Variants in SPATS2L observed in about 807,000 individuals in gnomAD.
The protein encoded by SPATS2L is SPATS2-like protein.
In SPATS2L, 30 loss-of-function variants were observed where a neutral mutation model predicts 59.6. The observed-to-expected ratio is 0.50, with a 90% CI of 0.38 to 0.68. The LOEUF (loss-of-function observed/expected upper bound fraction) is 0.68, where lower values mean the gene tolerates loss of function less well. Among genes scored for constraint, SPATS2L ranks in the 30% least tolerant of loss-of-function variants. The pLI is 0.00. For synonymous variants in SPATS2L, 252 were observed against 263.5 expected, an observed-to-expected ratio of 0.96 and a Z score of 0.42; for missense variants, 615 against 700.0, an observed-to-expected ratio of 0.88 and a Z score of 1.37.
At chr2:200,358,967 A>G (rs1344189538) in intron 2 of SPATS2L, among the ~76,000 whole-genome samples, 4 of 147,214 alleles carry the variant, frequency 2.7e-5, no homozygotes, top group African/African-American at 1.0e-4. Context: ...AGCCTGGACA[A>G]CATGACAGAG....
chr2:200,477,445 A>G (rs2087613939), intron 12 of SPATS2L, among the ~76,000 whole-genome samples, 191 bp from the exon 13 acceptor site: 1 of 149,330 alleles, frequency 6.7e-6, no homozygotes, highest in Non-Finnish European at 1.5e-5. Flanking sequence ...AAAACAGTCC[A>G]CTATTCTTTT....
chr2:200,344,507 T>C (rs1003740499), intron 2 of SPATS2L, among the ~76,000 whole-genome samples: 9 of 152,214 alleles, frequency 5.9e-5, no homozygotes, highest in African/African-American at 2.2e-4. Context: ...GTCTTTGCCA[T>C]TGTGAATAAT....
chr2:200,473,046 C>A lies in SPATS2L; in HGVS notation c.1275C>A (p.Asn425Lys). The change falls in exon 12 of 13, where the codon AAC (asparagine) becomes AAA (lysine). Residue 425 changes from asparagine to lysine, a missense_variant. Physicochemically the swap from Asn to Lys is moderately conservative, Grantham distance 94 (BLOSUM62 0). Coordinates refer to ENST00000409140, the MANE Select transcript of SPATS2L (RefSeq NM_001100423.2). ...CCTCTCACCAGACCATGCCGGCCAA[C>A]AAGCAGGTAAGCCGACACTGGTGCA... ...ADPSHQTMPA[N>K]KQNGSSNQRR... The A allele has an allele frequency of 6.2e-7, 1 of 1,608,490 alleles. No individual in the cohort carries two copies. Among genetic ancestry groups the A allele is most frequent in the Non-Finnish European group, 8.5e-7 (1 of 1,177,598 alleles).
Position 200,372,037 on chromosome 2 carries a change from AATAATTG to A in SPATS2L, c.-22-17184_-22-17178del, listed in dbSNP as rs572864662. ...CTCCCAGGCATAAAAACCCAAAGGAAATAATTGACTTCTGAGAGTGTGCCTTGTAGGT... is the reference window on the plus strand; with the variant it reads ...CTCCCAGGCATAAAAACCCAAAGGAAACTTCTGAGAGTGTGCCTTGTAGGT... On this transcript the variant is annotated intron_variant, in intron 2 of 12. Transcript: ENST00000409140. The A allele has an allele frequency of 3.4e-4, 338 of 985,406 alleles. 1 individual carries two copies. Among genetic ancestry groups the A allele is most frequent in the Non-Finnish European group, 1.2e-4 (97 of 829,932 alleles). The allele number at this position is 985,406 out of a possible 1,614,324, so 61.0% of individuals were successfully genotyped here.
chr2:200,400,504 A>G (rs1246197033), intron 3 of SPATS2L, among the ~76,000 whole-genome samples: 1 of 152,252 alleles, frequency 6.6e-6, no homozygotes, highest in African/African-American at 2.4e-5. Flanking sequence ...TGAGAGTTAT[A>G]TGTATATATT....
chr2:200,436,406 C>T (rs1349341865), intron 6 of SPATS2L, among the ~76,000 whole-genome samples: 5 of 152,128 alleles, frequency 3.3e-5, no homozygotes, highest in Non-Finnish European at 7.4e-5. Context: ...GTCAGACATA[C>T]ATGCATATAT....
intron 12 of SPATS2L, among the ~76,000 whole-genome samples, chr2:200,475,084 C>T (rs1008931615): frequency 6.6e-6 from 1 of 152,228 alleles, no homozygotes; most frequent in African/African-American, 2.4e-5. Context: ...CCAGTTTTCA[C>T]ACCCATCCGC....
At chr2:200,306,611 A>T (rs1271990557), upstream of SPATS2L, 2 of 989,998 alleles carry the variant, frequency 2.0e-6, no homozygotes, top group Non-Finnish European at 2.4e-6. Context: ...GGTGAGTGAC[A>T]CCGAGGGGAA....
chr2:200,315,760 C>T (rs892570695), intron 1 of SPATS2L, among the ~76,000 whole-genome samples: 2 of 150,616 alleles, frequency 1.3e-5, no homozygotes, highest in East Asian at 2.0e-4. Context: ...GAAGGGCATA[C>T]GGACTGTCAG....
At chr2:200,406,916 A>G (rs1479723317) in intron 3 of SPATS2L, among the ~76,000 whole-genome samples, 2 of 152,130 alleles carry the variant, frequency 1.3e-5, no homozygotes, top group Non-Finnish European at 2.9e-5. Flanking sequence ...CACCATAGAG[A>G]AGGGAAAAGT....
chr2:200,472,034 C>T (rs1363776745), intron 11 of SPATS2L, among the ~76,000 whole-genome samples: 1 of 152,162 alleles, frequency 6.6e-6, no homozygotes, highest in East Asian at 1.9e-4. Context: ...CAGAAACCAC[C>T]ACTTTCAAAA....
intron 11 of SPATS2L, among the ~76,000 whole-genome samples, chr2:200,472,392 C>T (rs1001673858): frequency 1.3e-5 from 2 of 152,216 alleles, no homozygotes; most frequent in African/African-American, 4.8e-5. Flanking sequence ...CCCAATCTTT[C>T]TGTGTCTGCA....
intron 2 of SPATS2L, among the ~76,000 whole-genome samples, chr2:200,385,709 T>C (rs2081968517): frequency 6.6e-6 from 1 of 152,126 alleles, no homozygotes; most frequent in Non-Finnish European, 1.5e-5. Context: ...TTTTTTTTTT[T>C]TTAGATGGAG....
chr2:200,389,285 T>TA lies in SPATS2L; in HGVS notation c.39+4dup. The TA allele has an allele frequency of 6.3e-7, 1 of 1,575,810 alleles. No individual in the cohort carries two copies. Among genetic ancestry groups the TA allele is most frequent in the Non-Finnish European group, 8.6e-7 (1 of 1,157,654 alleles). ...ACTCATGTGAATGTCAAGGAAAAGG[T>TA]AAGATCAAGTTATACGTTGGCTCAC... On this transcript the variant is annotated splice_region_variant and intron_variant, in intron 3 of 12. Transcript: ENST00000409140.
intron 1 of SPATS2L, chr2:200,308,998 A>T: frequency 1.4e-6 from 1 of 717,396 alleles, no homozygotes; most frequent in Non-Finnish European, 2.6e-6. Context: ...CTGCCACACC[A>T]GTAAGGATCA....
intron 2 of SPATS2L, among the ~76,000 whole-genome samples, chr2:200,368,624 G>T (rs936765122): frequency 6.6e-6 from 1 of 152,190 alleles, no homozygotes; most frequent in Non-Finnish European, 1.5e-5. Context: ...GCACTTGGGG[G>T]ATTGTGACCA....
At chr2:200,346,729 A>G (rs1328361141) in intron 2 of SPATS2L, among the ~76,000 whole-genome samples, 1 of 152,196 alleles carries the variant, frequency 6.6e-6, no homozygotes, top group Non-Finnish European at 1.5e-5. Context: ...CTAAATGTCA[A>G]TTCAAAGATT....
intron 2 of SPATS2L, among the ~76,000 whole-genome samples, chr2:200,376,084 C>T (rs1483985176): frequency 1.3e-5 from 2 of 152,162 alleles, no homozygotes; most frequent in Non-Finnish European, 2.9e-5. Flanking sequence ...CTTCATTGAA[C>T]ACTTAGCTTG....
rs1190487212 is a variant in SPATS2L, at chr2:200,432,752, AAG to A, written c.446-6368_446-6367del. 3.9e-5 allele frequency among the ~76,000 whole-genome samples: 6 copies of A among 152,342 alleles called. No individual in the cohort carries two copies. In the East Asian group the frequency reaches 7.7e-4, roughly 20 times the overall value. On this transcript the variant is annotated intron_variant, in intron 6 of 12. Coordinates refer to ENST00000409140, the MANE Select transcript of SPATS2L (RefSeq NM_001100423.2). ...AAATATGTTAAGAATTTTATGGAAA[AAG>A]AAGATGGATATATAATGGATGAAGA...
Sources: gnomAD v4.1 joint callset for allele counts (sites outside exome capture counted in the v4.1 genomes callset) on GRCh38, gnomAD v4.1.1 for gene constraint, MANE v1.5 for transcripts, NCBI Gene and HGNC (gene_info 2026-07-23, HGNC 2026-07-21) for gene names.